The following JARID2 variants were observed in gnomAD, a reference collection of about 807,000 sequenced individuals.
JARID2 encodes the protein protein Jumonji.
In JARID2, 21 loss-of-function variants were observed where a neutral mutation model predicts 125.6. The observed-to-expected ratio is 0.17, with a 90% CI of 0.12 to 0.24. The LOEUF (loss-of-function observed/expected upper bound fraction) is 0.24, where lower values mean the gene tolerates loss of function less well. Among genes scored for constraint, JARID2 ranks in the 10% least tolerant of loss-of-function variants. The pLI, the probability that JARID2 is intolerant of heterozygous loss-of-function variation, is 1.00. For synonymous variants in JARID2, 736 were observed against 661.6 expected (o/e 1.11, Z -1.73); for missense variants, 1,303 against 1,639.6 (o/e 0.79, Z 3.55).
rs1760212090 is a variant in JARID2, at chr6:15,269,430, C to CT, written c.45+22848dup. 3.9e-5 allele frequency among the ~76,000 whole-genome samples: 6 copies of CT among 152,224 alleles called. No individual in the cohort carries two copies. In the South Asian group the frequency reaches 1.2e-3, roughly 32 times the overall value. On this transcript the variant is annotated intron_variant, in intron 1 of 17. Coordinates refer to ENST00000341776, the MANE Select transcript of JARID2 (RefSeq NM_004973.4). Reference sequence around the variant, plus strand: ...CTGGCGTGTGGTGGTGTGATCACAGCTTATTACTGCATCCTTGAACTCTTG... The same window carrying CT: ...CTGGCGTGTGGTGGTGTGATCACAGCTTTATTACTGCATCCTTGAACTCTTG...
chr6:15,447,183 C>G (rs766788342), intron 3 of JARID2, among the ~76,000 whole-genome samples: 1 of 152,116 alleles, frequency 6.6e-6, no homozygotes, highest in Non-Finnish European at 1.5e-5. Context: ...CTATGTTGTA[C>G]CATATTGTAA....
intron 2 of JARID2, chr6:15,401,056 A>G: frequency 7.8e-7 from 1 of 1,289,318 alleles, no homozygotes; most frequent in Non-Finnish European, 1.0e-6. Context: ...AAATAGCTCT[A>G]GATTTGTTTC....
intron 2 of JARID2, among the ~76,000 whole-genome samples, chr6:15,392,339 CT>C: frequency 6.6e-6 from 1 of 152,140 alleles, no homozygotes; most frequent in Non-Finnish European, 1.5e-5. Flanking sequence ...CCCCTACAAG[CT>C]AGACTGATTA....
chr6:15,264,640 T>TGTGTGTGTGA lies in JARID2; in HGVS notation c.45+18057_45+18058insTGTGTGTGAG, dbSNP rs1554116824. Among the ~76,000 whole-genome samples, 14 of 150,408 alleles carry TGTGTGTGTGA rather than the reference T, an allele frequency of 9.3e-5. No homozygotes were observed. The East Asian group carries it at 1.6e-3, about 17-fold the overall frequency. ...GTGTGTGTGTGTGTGTGTGTGTGTG[T>TGTGTGTGTGA]GAGAGAGAGAGAGATAGAGAGAGAG... On this transcript the variant is annotated intron_variant, in intron 1 of 17. Transcript: ENST00000341776.
intron 17 of JARID2, among the ~76,000 whole-genome samples, chr6:15,517,975 G>C (rs1305804734): frequency 6.6e-6 from 1 of 152,242 alleles, no homozygotes; most frequent in Non-Finnish European, 1.5e-5. Context: ...GAGGGGCCTG[G>C]TGTGTCTGGG....
intron 3 of JARID2, among the ~76,000 whole-genome samples, chr6:15,415,820 G>T (rs1301167568): frequency 5.6e-4 from 59 of 104,506 alleles, no homozygotes; most frequent in African/African-American, 1.9e-3. Flanking sequence ...CGGGCGGGGG[G>T]CTGACCCCCC....
intron 3 of JARID2, among the ~76,000 whole-genome samples, chr6:15,411,555 C>G (rs1765876483): frequency 6.6e-6 from 1 of 152,206 alleles, no homozygotes; most frequent in South Asian, 2.1e-4. Context: ...TTGTATGTCA[C>G]TCCTTTAAAA....
chr6:15,408,457 G>A lies in JARID2; in HGVS notation c.182-1767G>A, dbSNP rs115407784. 9.8e-3 allele frequency among the ~76,000 whole-genome samples: 1,491 copies of A among 152,010 alleles called. 29 individuals carry two copies. The highest frequency in any genetic ancestry group is 0.034 in the African/African-American group (1,400 of 41,434). On this transcript the variant is annotated intron_variant, in intron 2 of 17. Transcript: ENST00000341776. Reference sequence around the variant, plus strand: ...CCAACTCTAATCTCAGTTAAATGTCGTCTGTATCCTAATTGGGTGGGAAGA... The same window carrying A: ...CCAACTCTAATCTCAGTTAAATGTCATCTGTATCCTAATTGGGTGGGAAGA...
At chr6:15,504,099 G>T (rs1184286208) in intron 8 of JARID2, among the ~76,000 whole-genome samples, 1 of 152,134 alleles carries the variant, frequency 6.6e-6, no homozygotes, top group Non-Finnish European at 1.5e-5. Context: ...AGTTCCATCA[G>T]GTCATAGCTG....
intron 1 of JARID2, among the ~76,000 whole-genome samples, chr6:15,295,160 C>T (rs71551047): frequency 0.088 from 11,923 of 135,944 alleles, 540 homozygotes; most frequent in East Asian, 0.2. Context: ...CTTGCTCTGT[C>T]GCCCAGGCTG....
chr6:15,286,576 G>A (rs924740215), intron 1 of JARID2, among the ~76,000 whole-genome samples: 1 of 149,972 alleles, frequency 6.7e-6, no homozygotes, highest in Non-Finnish European at 1.5e-5. Context: ...TTGAAATTTT[G>A]CTGGCAGAGC....
intron 4 of JARID2, among the ~76,000 whole-genome samples, chr6:15,455,525 G>A (rs765814251): frequency 3.9e-5 from 6 of 151,954 alleles, no homozygotes; most frequent in Non-Finnish European, 8.8e-5. Flanking sequence ...GCTTTTAAAC[G>A]TAATTGGAGC....
intron 1 of JARID2, among the ~76,000 whole-genome samples, chr6:15,278,595 AAAAT>A (rs975997126): frequency 2.6e-5 from 4 of 152,116 alleles, no homozygotes; most frequent in Non-Finnish European, 4.4e-5. Flanking sequence ...CAAAAAATAA[AAAAT>A]AAAAAAAGAA....
chr6:15,364,282 G>A (rs1353625367), intron 1 of JARID2, among the ~76,000 whole-genome samples: 1 of 152,176 alleles, frequency 6.6e-6, no homozygotes, highest in African/African-American at 2.4e-5. Flanking sequence ...CTGTCAGTAA[G>A]GGGCAACCAT....
At chr6:15,286,845 G>T (rs1437546812) in intron 1 of JARID2, among the ~76,000 whole-genome samples, 1 of 147,878 alleles carries the variant, frequency 6.8e-6, no homozygotes, top group Non-Finnish European at 1.5e-5. Flanking sequence ...CTGGGCGACA[G>T]AGCGAGACTC....
chr6:15,294,317 C>T (rs1054049322), intron 1 of JARID2, among the ~76,000 whole-genome samples: 13 of 152,116 alleles, frequency 8.5e-5, no homozygotes, highest in African/African-American at 2.4e-4. Context: ...CTCAGCCTCC[C>T]GAGCAGCTGG....
chr6:15,465,788 C>CTGTTTGTTTGTTTGTT (rs549791539), intron 4 of JARID2, among the ~76,000 whole-genome samples: 1 of 147,488 alleles, frequency 6.8e-6, no homozygotes, highest in African/African-American at 2.6e-5. Flanking sequence ...TTTTTTGTTG[C>CTGTTTGTTTGTTTGTT]TGTTTGTTTG....
At chr6:15,449,484 A>G (rs1170855593) in intron 3 of JARID2, among the ~76,000 whole-genome samples, 7 of 126,586 alleles carry the variant, frequency 5.5e-5, no homozygotes, top group Non-Finnish European at 3.1e-5. Context: ...TGTCTTTATC[A>G]AAAAAAAAAA....
intron 1 of JARID2, among the ~76,000 whole-genome samples, chr6:15,283,551 C>T (rs370871862): frequency 6.6e-6 from 1 of 150,914 alleles, no homozygotes; most frequent in South Asian, 2.1e-4. Context: ...ACCGTGTTAG[C>T]CAGGACGGTC....
Sources: gnomAD v4.1 joint callset for allele counts (sites outside exome capture counted in the v4.1 genomes callset) on GRCh38, gnomAD v4.1.1 for gene constraint, MANE v1.5 for transcripts, NCBI Gene and HGNC (gene_info 2026-07-23, HGNC 2026-07-21) for gene names.